MTUS2: variants seen among roughly 807,000 people sequenced by gnomAD.
MTUS2 encodes the protein microtubule associated scaffold protein 2.
Under a neutral mutation model 114.1 loss-of-function variants are expected in MTUS2, and 40 were observed. The observed-to-expected ratio is 0.35, with a 90% CI of 0.27 to 0.46. The LOEUF (loss-of-function observed/expected upper bound fraction) is 0.46. Ranked by LOEUF, MTUS2 falls within the 20% of genes least tolerant of loss-of-function variation. MTUS2 has a pLI of 1.00. For missense variants in MTUS2, 1,679 were observed against 1,705.4 expected (o/e 0.98, Z 0.27); for synonymous variants, 688 against 672.0 (o/e 1.02, Z -0.37).
chr13:29,069,602 A>G (rs931175848), intron 4 of MTUS2, among the ~76,000 whole-genome samples: 9 of 152,230 alleles, frequency 5.9e-5, no homozygotes, highest in African/African-American at 2.2e-4. Context: ...GACACATAAA[A>G]TTAACTATGA....
chr13:29,162,027 A>G (rs753898591), intron 5 of MTUS2, among the ~76,000 whole-genome samples: 1 of 152,184 alleles, frequency 6.6e-6, no homozygotes, highest in Non-Finnish European at 1.5e-5. Context: ...CTTGACATCT[A>G]CATCTCCATT....
At chr13:29,240,876 A>G (rs887705260) in intron 5 of MTUS2, among the ~76,000 whole-genome samples, 3 of 152,174 alleles carry the variant, frequency 2.0e-5, no homozygotes, top group Admixed American at 6.5e-5. Flanking sequence ...TTAAAAGTCA[A>G]TATGTGTAAC....
intron 5 of MTUS2, among the ~76,000 whole-genome samples, chr13:29,114,861 A>T (rs1022939938): frequency 6.6e-6 from 1 of 152,228 alleles, no homozygotes; most frequent in Non-Finnish European, 1.5e-5. Context: ...GCAATGCCAG[A>T]TTACTTCTGA....
At chr13:29,031,237 GGTGTGTGTGT>G (rs59288953) in intron 3 of MTUS2, among the ~76,000 whole-genome samples, 8 of 122,964 alleles carry the variant, frequency 6.5e-5, no homozygotes, top group East Asian at 2.3e-4. Flanking sequence ...AGAACTAATA[GGTGTGTGTGT>G]GTGTGTGTGT....
At chr13:29,098,035 T>G (rs1253732568) in intron 4 of MTUS2, among the ~76,000 whole-genome samples, 1 of 152,162 alleles carries the variant, frequency 6.6e-6, no homozygotes, top group Non-Finnish European at 1.5e-5. Context: ...AGTTGGCGTA[T>G]TCTGTTGAAG....
chr13:28,962,496 T>C (rs1024326957), intron 2 of MTUS2, among the ~76,000 whole-genome samples: 8 of 152,202 alleles, frequency 5.3e-5, no homozygotes, highest in African/African-American at 1.7e-4. Flanking sequence ...ATATATCCTC[T>C]AGGTATATCT....
Position 29,024,818 on chromosome 13 carries a change from C to T in MTUS2, c.120C>T (p.Ile40=). 6.2e-7 allele frequency: 1 copy of T among 1,613,994 alleles called. No individual in the cohort carries two copies. The highest frequency in any genetic ancestry group is 8.5e-7 in the Non-Finnish European group (1 of 1,179,908). Residue 40 remains isoleucine, a synonymous_variant, in exon 3 of 16, where the codon ATC becomes ATT. Coordinates refer to ENST00000612955, the MANE Select transcript of MTUS2 (RefSeq NM_001033602.4). ...TGGGAGATACGAATGCCAATCAAAT[C>T]ATGTTGGAGGTCAGCTCCTCTCATG... ...LSLGDTNANQ[I]MLEVSSSHDE... is the part of the protein sequence containing the mutation.
At position 29,381,620 on chromosome 13, in the gene MTUS2, A is replaced by G. The variant is rs77319918; in HGVS notation, c.3117+22147A>G. The stretch of plus-strand genomic sequence containing the variant: ...ACTTTGCCTAAAGTCACACTATTAA[A>G]TTGGAACAGGGCTGGGATCTGAAGC... On this transcript the variant is annotated intron_variant, in intron 8 of 15. Coordinates refer to ENST00000612955, the MANE Select transcript of MTUS2 (RefSeq NM_001033602.4). 2.0e-3 allele frequency among the ~76,000 whole-genome samples: 312 copies of G among 152,292 alleles called. 1 individual carries two copies. Among genetic ancestry groups the G allele is most frequent in the Middle Eastern group, 0.014 (4 of 294 alleles).
chr13:29,171,129 TGA>T (rs201524689), intron 5 of MTUS2, among the ~76,000 whole-genome samples: 2 of 120,602 alleles, frequency 1.7e-5, no homozygotes, highest in South Asian at 5.4e-4. Context: ...GGTGAGTGAG[TGA>T]GAGAGAGAGA....
chr13:29,290,888 C>T (rs998865053), intron 6 of MTUS2, among the ~76,000 whole-genome samples: 2 of 152,210 alleles, frequency 1.3e-5, no homozygotes, highest in African/African-American at 4.8e-5. Flanking sequence ...CAGCACAAAG[C>T]AGGCTCTCAA....
At chr13:29,389,324 T>TATATGTATACAC (rs1872899208) in intron 8 of MTUS2, among the ~76,000 whole-genome samples, 1 of 54,472 alleles carries the variant, frequency 1.8e-5, no homozygotes, top group African/African-American at 4.2e-5. Context: ...TATACACATA[T>TATATGTATACAC]GTGTGTATAT....
At chr13:28,880,692 A>C (rs975290220) in intron 2 of MTUS2, among the ~76,000 whole-genome samples, 2 of 152,196 alleles carry the variant, frequency 1.3e-5, no homozygotes, top group African/African-American at 4.8e-5. Flanking sequence ...TGAGTATACC[A>C]GATTTTGTTT....
intron 5 of MTUS2, among the ~76,000 whole-genome samples, chr13:29,222,653 C>T (rs1314919772): frequency 6.6e-6 from 1 of 152,216 alleles, no homozygotes; most frequent in African/African-American, 2.4e-5. Context: ...GAGAACCCCA[C>T]CCCTTCCAAG....
intron 9 of MTUS2, among the ~76,000 whole-genome samples, chr13:29,461,974 C>T (rs1879529343): frequency 6.6e-6 from 1 of 152,082 alleles, no homozygotes; most frequent in Non-Finnish European, 1.5e-5. Flanking sequence ...AAGAAGGAGC[C>T]AGGTGTCTGC....
chr13:28,857,705 G>C (rs1220338451), intron 2 of MTUS2, among the ~76,000 whole-genome samples: 1 of 152,194 alleles, frequency 6.6e-6, no homozygotes. Context: ...ATGTAAGAAA[G>C]TACTTAGGGA....
intron 5 of MTUS2, among the ~76,000 whole-genome samples, chr13:29,141,503 GC>G (rs1247305462): frequency 2.0e-5 from 3 of 152,174 alleles, no homozygotes; most frequent in Non-Finnish European, 4.4e-5. Context: ...GCACATAGGA[GC>G]CCCAGGAGAT....
At chr13:29,376,859 T>C (rs9508430) in intron 8 of MTUS2, among the ~76,000 whole-genome samples, 74,451 of 151,890 alleles carry the variant, frequency 0.49, 20,021 homozygotes, top group East Asian at 0.66. Context: ...AAGCATGATC[T>C]ACCTATATGT....
intron 7 of MTUS2, among the ~76,000 whole-genome samples, chr13:29,333,696 A>G (rs1321631562): frequency 2.6e-5 from 4 of 152,136 alleles, no homozygotes; most frequent in African/African-American, 9.7e-5. Flanking sequence ...GTAGATGACT[A>G]TTAGGTCCGT....
At chr13:29,358,225 G>GCAGGCGGTC (rs908936558) in intron 7 of MTUS2, among the ~76,000 whole-genome samples, 2 of 152,204 alleles carry the variant, frequency 1.3e-5, no homozygotes, top group African/African-American at 2.4e-5. Context: ...GTCTGTCTGT[G>GCAGGCGGTC]CCTCCTACAG....
Sources: allele counts gnomAD v4.1 joint callset (sites outside exome capture counted in the v4.1 genomes callset), GRCh38; gene constraint gnomAD v4.1.1; transcripts MANE v1.5; gene names NCBI Gene and HGNC (gene_info 2026-07-23, HGNC 2026-07-21).